The following TRHDE variants were observed in gnomAD, a reference collection of about 807,000 sequenced individuals.
TRHDE encodes thyrotropin releasing hormone degrading enzyme, also known as thyrotropin-releasing hormone-degrading ectoenzyme.
Under a neutral mutation model 125.7 loss-of-function variants are expected in TRHDE, and 72 were observed. The observed-to-expected ratio is 0.57, with a 90% CI of 0.47 to 0.70. The LOEUF (loss-of-function observed/expected upper bound fraction) is 0.70, where lower values mean the gene tolerates loss of function less well. Among genes scored for constraint, TRHDE ranks in the 30% least tolerant of loss-of-function variants. The probability of loss-of-function intolerance (pLI) is 0.00; values close to 1 mark genes in which losing one functional copy is unlikely to be tolerated. For missense variants in TRHDE, 1,110 were observed against 1,327.1 expected (o/e 0.84, Z 2.54); for synonymous variants, 509 against 509.1 (o/e 1.00, Z 0.00).
rs79403892 is a variant in TRHDE at position 72,495,346 on chromosome 12, A to G, written c.1585-4152A>G. ...CCTAAGACACTACTTTTATTAAGCCATTACGCCTGCTACTGCCTATTTATT... is the reference window on the plus strand; with the variant it reads ...CCTAAGACACTACTTTTATTAAGCCGTTACGCCTGCTACTGCCTATTTATT... On this transcript the variant is annotated intron_variant, in intron 5 of 18. Coordinates refer to ENST00000261180, the MANE Select transcript of TRHDE (RefSeq NM_013381.3). 6.6e-5 allele frequency among the ~76,000 whole-genome samples: 10 copies of G among 152,088 alleles called. No individual in the cohort carries two copies. The East Asian group carries it at 1.9e-3, about 29-fold the overall frequency.
intron 6 of TRHDE, among the ~76,000 whole-genome samples, chr12:72,524,380 A>G (rs949120153): frequency 2.6e-5 from 4 of 152,164 alleles, no homozygotes; most frequent in Admixed American, 6.5e-5. Context: ...TGAAGATTAC[A>G]AAGTGTCTTT....
intron 6 of TRHDE, among the ~76,000 whole-genome samples, chr12:72,520,645 T>G (rs1385220442): frequency 6.6e-6 from 1 of 152,174 alleles, no homozygotes; most frequent in Non-Finnish European, 1.5e-5. Context: ...GCTGTTCCTA[T>G]TCGGCCATCT....
intron 2 of TRHDE, among the ~76,000 whole-genome samples, chr12:72,146,242 T>A (rs377125051): frequency 6.0e-4 from 91 of 152,318 alleles, no homozygotes; most frequent in African/African-American, 2.0e-3. Flanking sequence ...AGGAGATGTG[T>A]TCAGTTGTCA....
At chr12:72,097,211 G>T (rs931927925) in intron 1 of TRHDE, among the ~76,000 whole-genome samples, 10 of 152,166 alleles carry the variant, frequency 6.6e-5, no homozygotes, top group African/African-American at 2.4e-4. Context: ...ATTGTGTCTG[G>T]CAGGTGGGTA....
chr12:72,388,034 C>G (rs1872498800), intron 3 of TRHDE, among the ~76,000 whole-genome samples: 1 of 152,076 alleles, frequency 6.6e-6, no homozygotes, highest in Non-Finnish European at 1.5e-5. Flanking sequence ...CTTTACCCCC[C>G]CGGACCCTCT....
intron 2 of TRHDE, among the ~76,000 whole-genome samples, chr12:72,321,860 T>C (rs370202603): frequency 2.6e-5 from 4 of 151,948 alleles, no homozygotes; most frequent in African/African-American, 9.7e-5. Flanking sequence ...ATAATACACA[T>C]ATATATCTAC....
chr12:72,294,164 C>T (rs1456381684), intron 2 of TRHDE, among the ~76,000 whole-genome samples: 2 of 152,208 alleles, frequency 1.3e-5, no homozygotes, highest in Admixed American at 6.5e-5. Flanking sequence ...CTTTCCTTCT[C>T]TTTTCCCACA....
chr12:72,199,673 G>A (rs189741223), intron 2 of TRHDE, among the ~76,000 whole-genome samples: 8 of 152,288 alleles, frequency 5.3e-5, no homozygotes, highest in African/African-American at 1.9e-4. Context: ...GGAAGATAAA[G>A]ACATAGTAAA....
chr12:72,629,809 G>C lies in TRHDE; in HGVS notation c.2675+8058G>C, dbSNP rs186061901. 1.1e-4 allele frequency among the ~76,000 whole-genome samples: 16 copies of C among 151,372 alleles called. No homozygotes were observed. The East Asian group carries it at 2.1e-3, about 20-fold the overall frequency. On this transcript the variant is annotated intron_variant, in intron 15 of 18. Transcript: ENST00000261180. ...TATAAGCATTCATATTATCAGTAAG[G>C]GGAGTCCTTCAACAACACTAATATT...
At chr12:72,145,656 T>A (rs920763319) in intron 2 of TRHDE, among the ~76,000 whole-genome samples, 3 of 152,184 alleles carry the variant, frequency 2.0e-5, no homozygotes, top group Non-Finnish European at 4.4e-5. Flanking sequence ...TATTTCATGG[T>A]CAAAAGCTGA....
intron 16 of TRHDE, 148 bp from the exon 17 acceptor site, chr12:72,652,868 G>A: frequency 4.3e-6 from 2 of 466,362 alleles, no homozygotes; most frequent in Non-Finnish European, 7.2e-6. Flanking sequence ...AAACAGAAAT[G>A]TGTTCTATTT....
intron 2 of TRHDE, chr12:72,253,590 A>C (rs556937202): frequency 1.3e-5 from 2 of 152,272 alleles, no homozygotes; most frequent in East Asian, 3.9e-4. Context: ...TTGCTCACAC[A>C]TCTCCTTTCC....
chr12:72,470,969 C>G (rs1315343465), intron 4 of TRHDE, among the ~76,000 whole-genome samples: 2 of 144,622 alleles, frequency 1.4e-5, no homozygotes, highest in Non-Finnish European at 3.0e-5. Flanking sequence ...CTTCGCCTCC[C>G]AGGTTCAAGT....
chr12:72,477,176 A>G (rs1332017483), intron 5 of TRHDE, among the ~76,000 whole-genome samples: 1 of 152,188 alleles, frequency 6.6e-6, no homozygotes, highest in Non-Finnish European at 1.5e-5. Context: ...AAATGTATGA[A>G]CCACTCTACA....
intron 2 of TRHDE, among the ~76,000 whole-genome samples, chr12:72,127,505 AT>A (rs778270967): frequency 2.0e-4 from 31 of 152,378 alleles, no homozygotes; most frequent in Middle Eastern, 6.8e-3. Context: ...TTATGCAGCC[AT>A]GATAAAAATG....
At chr12:72,609,720 G>T (rs1333048927) in intron 12 of TRHDE, among the ~76,000 whole-genome samples, 1 of 152,114 alleles carries the variant, frequency 6.6e-6, no homozygotes, top group African/African-American at 2.4e-5. Context: ...TTTTTAAGTT[G>T]TTTGGTTTGA....
chr12:72,183,614 T>C (rs1185994507), intron 2 of TRHDE, among the ~76,000 whole-genome samples: 2 of 152,202 alleles, frequency 1.3e-5, no homozygotes, highest in Non-Finnish European at 2.9e-5. Context: ...TTCATATGCA[T>C]CAACTTCATT....
chr12:72,155,111 C>T (rs1242686102), intron 2 of TRHDE, among the ~76,000 whole-genome samples: 1 of 152,136 alleles, frequency 6.6e-6, no homozygotes, highest in African/African-American at 2.4e-5. Context: ...TCTTTTTTCT[C>T]TAAACTTCTC....
intron 6 of TRHDE, among the ~76,000 whole-genome samples, chr12:72,520,225 C>A (rs1036610088): frequency 1.5e-4 from 23 of 151,736 alleles, no homozygotes; most frequent in African/African-American, 5.3e-4. Flanking sequence ...CAATGGCGGG[C>A]GCCCCTCCCC....
Sources: allele counts gnomAD v4.1 joint callset (sites outside exome capture counted in the v4.1 genomes callset), GRCh38; gene constraint gnomAD v4.1.1; transcripts MANE v1.5; gene names NCBI Gene and HGNC (gene_info 2026-07-23, HGNC 2026-07-21).